Variants in KCNQ1 observed in about 807,000 individuals in gnomAD.
KCNQ1 encodes potassium voltage-gated channel subfamily KQT member 1.
A neutral mutation model predicts 72.4 loss-of-function variants in KCNQ1; 49 were observed. That is an observed-to-expected ratio of 0.68 (90% CI 0.54 to 0.86). The LOEUF (loss-of-function observed/expected upper bound fraction) is 0.86, where lower values mean the gene tolerates loss of function less well. Among genes scored for constraint, KCNQ1 ranks in the 40% least tolerant of loss-of-function variants. The pLI is 0.00. For synonymous variants in KCNQ1, 450 were observed against 412.6 expected (o/e 1.09, Z -1.10); for missense variants, 790 against 945.1 (o/e 0.84, Z 2.15).
rs1180003477 is a variant in KCNQ1, at chr11:2,536,737, C to T, written c.477+8719C>T. Among the ~76,000 whole-genome samples the T allele has an allele frequency of 3.9e-5, 6 of 152,074 alleles. No individual in the cohort carries two copies. The highest frequency in any genetic ancestry group is 8.8e-5 in the Non-Finnish European group (6 of 68,014). On this transcript the variant is annotated intron_variant, in intron 2 of 15. Transcript: ENST00000155840. The surrounding 1 kb of genome is among the most constrained non-coding windows in gnomAD (Gnocchi z 7.4). ...GGCCTATCTCCAGCCACGTGGGTCG[C>T]GAGAGTCGACCTGGGCTGCGTGATG... is the stretch of plus-strand genomic sequence containing the variant.
intron 1 of KCNQ1, among the ~76,000 whole-genome samples, chr11:2,472,983 G>C (rs1322790565): frequency 6.6e-6 from 1 of 151,926 alleles, no homozygotes; most frequent in African/African-American, 2.4e-5. Context: ...TGGGGTGGGC[G>C]TGGCTGGGAG....
intron 10 of KCNQ1, chr11:2,656,624 C>A: frequency 2.5e-6 from 1 of 398,544 alleles, no homozygotes; most frequent in South Asian, 1.3e-4. Flanking sequence ...TCTATTAAGT[C>A]ATTTATATTT....
At chr11:2,749,475 C>T (rs1053251553) in intron 11 of KCNQ1, among the ~76,000 whole-genome samples, 5 of 152,020 alleles carry the variant, frequency 3.3e-5, no homozygotes, top group Admixed American at 3.3e-4. Flanking sequence ...TTCCCTTATT[C>T]GTACAACGGG....
intron 1 of KCNQ1, among the ~76,000 whole-genome samples, chr11:2,514,348 G>T (rs1277990804): frequency 4.6e-5 from 7 of 152,198 alleles, no homozygotes; most frequent in Non-Finnish European, 8.8e-5. Context: ...AGGTGTGGCT[G>T]GGGCTGATCT....
At chr11:2,467,960 G>A (rs960674001) in intron 1 of KCNQ1, among the ~76,000 whole-genome samples, 1 of 152,202 alleles carries the variant, frequency 6.6e-6, no homozygotes, top group Non-Finnish European at 1.5e-5. Context: ...GCCCAGCGTG[G>A]GGACCTGCCC....
At chr11:2,589,538 G>A (rs1304529670) in intron 10 of KCNQ1, among the ~76,000 whole-genome samples, 2 of 152,078 alleles carry the variant, frequency 1.3e-5, no homozygotes, top group Non-Finnish European at 1.5e-5. Context: ...TGTGGAGAGC[G>A]AGGCCCTAGA....
rs774155339 is a variant in KCNQ1 at position 2,690,313 on chromosome 11, G to C, written c.1514+28232G>C. On this transcript the variant is annotated intron_variant, in intron 11 of 15. Transcript: ENST00000155840. The surrounding 1 kb of genome is among the most constrained non-coding windows in gnomAD (Gnocchi z 5.1). ...CTTCCTCCCTGTAGGATTGTCACAA[G>C]GATTAAATGATGTCAAGTCTGAGGC... 4.8e-5 allele frequency: 19 copies of C among 398,572 alleles called. No individual in the cohort carries two copies. Among genetic ancestry groups the C allele is most frequent in the Non-Finnish European group, 8.0e-5 (18 of 226,102 alleles). 24.7% of individuals were successfully genotyped at this position (398,572 alleles called of 1,614,324 possible).
At chr11:2,504,134 A>G (rs1056291350) in intron 1 of KCNQ1, among the ~76,000 whole-genome samples, 5 of 152,244 alleles carry the variant, frequency 3.3e-5, no homozygotes, top group African/African-American at 9.6e-5. Context: ...ACGCAACGGT[A>G]TACTAGTTAG....
At chr11:2,638,908 C>A (rs140472405) in intron 10 of KCNQ1, 1 of 151,928 alleles carries the variant, frequency 6.6e-6, no homozygotes, top group Non-Finnish European at 1.5e-5. Context: ...AGGCTTTGTT[C>A]GTTTGTTTTT....
intron 15 of KCNQ1, among the ~76,000 whole-genome samples, chr11:2,829,270 C>T (rs1300757615): frequency 1.3e-5 from 2 of 151,906 alleles, no homozygotes; most frequent in Non-Finnish European, 2.9e-5. Flanking sequence ...AGCATGCCTA[C>T]AGTGCAAACA....
intron 10 of KCNQ1, chr11:2,638,088 G>C (rs1849507187): frequency 6.6e-6 from 1 of 152,030 alleles, no homozygotes. Context: ...ACGTGAGATG[G>C]GTCTCCTGAA....
At chr11:2,496,928 T>G (rs1157217672) in intron 1 of KCNQ1, among the ~76,000 whole-genome samples, 2 of 152,122 alleles carry the variant, frequency 1.3e-5, no homozygotes, top group African/African-American at 4.8e-5. Context: ...CTCATGAAGC[T>G]TAGTTTGGCT....
rs1037646400 is a variant in KCNQ1, at chr11:2,477,003, A to C, written c.386+31519A>C. On this transcript the variant is annotated intron_variant, in intron 1 of 15. Coordinates refer to ENST00000155840, the MANE Select transcript of KCNQ1 (RefSeq NM_000218.3). This position sits in a 1 kb window ranked among gnomAD's most constrained non-coding sequence, Gnocchi z 5.0. ...TGCACCCAGCCCAGTTTTTAATGTG[A>C]CAGTACTTTGTAAAATTGTACTCCA... Among the ~76,000 whole-genome samples the C allele has an allele frequency of 6.6e-6, 1 of 152,254 alleles. No individual in the cohort carries two copies. Among genetic ancestry groups the C allele is most frequent in the South Asian group, 2.1e-4 (1 of 4,838 alleles).
Position 2,817,868 on chromosome 11 carries a change from C to T in KCNQ1, c.1795-29899C>T, listed in dbSNP as rs1038608742. Among the ~76,000 whole-genome samples the T allele has an allele frequency of 6.6e-6, 1 of 152,144 alleles. No homozygotes were observed. Among genetic ancestry groups the T allele is most frequent in the Admixed American group, 6.5e-5 (1 of 15,282 alleles). On this transcript the variant is annotated intron_variant, in intron 15 of 15. Transcript: ENST00000155840. This position sits in a 1 kb window ranked among gnomAD's most constrained non-coding sequence, Gnocchi z 6.1. ...ATGTTAGAAACCTCTGGCACTCTCC[C>T]CTCCCCAGCCAGCACCTACCAGCTT... is the stretch of plus-strand genomic sequence containing the variant.
chr11:2,699,503 GA>G lies in KCNQ1; in HGVS notation c.1514+37423del, dbSNP rs1850738889. 3.3e-5 allele frequency: 6 copies of G among 181,042 alleles called. No individual in the cohort carries two copies. In the East Asian group the frequency reaches 5.3e-3, roughly 159 times the overall value. The allele number at this position is 181,042 out of a possible 1,614,324, so 11.2% of individuals were successfully genotyped here. On this transcript the variant is annotated intron_variant, in intron 11 of 15. Coordinates refer to ENST00000155840, the MANE Select transcript of KCNQ1 (RefSeq NM_000218.3). Reference sequence around the variant, plus strand: ...GAGCCCCCGGGGAGAGTGCCGCGCTGAGGAGCCCCCAGGAGAGTGCCGCGCT... The same window carrying G: ...GAGCCCCCGGGGAGAGTGCCGCGCTGGGAGCCCCCAGGAGAGTGCCGCGCT...
In KCNQ1 at chr11:2,478,987, T is replaced by G. The variant is rs1333108346; in HGVS notation, c.386+33503T>G. On this transcript the variant is annotated intron_variant, in intron 1 of 15. Transcript: ENST00000155840. The surrounding 1 kb of genome is among the most constrained non-coding windows in gnomAD (Gnocchi z 4.0). ...CTAAAGGCCCCATGCAAGTTCGAAA[T>G]CCAGTGGGGCAGTTAAATCTTAATG... Among the ~76,000 whole-genome samples, 3 of 152,192 alleles carry G rather than the reference T, an allele frequency of 2.0e-5. No homozygotes were observed. Among genetic ancestry groups the G allele is most frequent in the African/African-American group, 7.2e-5 (3 of 41,442 alleles).
intron 15 of KCNQ1, among the ~76,000 whole-genome samples, chr11:2,800,707 T>A (rs1847244951): frequency 6.6e-6 from 1 of 152,152 alleles, no homozygotes; most frequent in South Asian, 2.1e-4. Flanking sequence ...ACACATAGCC[T>A]CTCTGTGACT....
At position 2,848,753 on chromosome 11, in the gene KCNQ1, C is replaced by G. The variant is rs555497849; in HGVS notation, c.*750C>G. On this transcript the variant is annotated 3_prime_UTR_variant, in exon 16 of 16. Coordinates refer to ENST00000155840, the MANE Select transcript of KCNQ1 (RefSeq NM_000218.3). The stretch of plus-strand genomic sequence containing the variant: ...CTGTGCGTGGGGCTCCCGCCTCCAA[C>G]CCCTCGCCCAGTCCCAGCAGCCAGC... 1 of 454,100 alleles carries G rather than the reference C, an allele frequency of 2.2e-6. No individual in the cohort carries two copies. Among genetic ancestry groups the G allele is most frequent in the Non-Finnish European group, 4.4e-6 (1 of 226,760 alleles). The allele number at this position is 454,100 out of a possible 1,614,324, so 28.1% of individuals were successfully genotyped here. A position where few individuals can be genotyped will look rare whatever the true frequency, so the allele number is the denominator to read the frequency against.
rs539379020 is a variant in KCNQ1, at chr11:2,693,778, G to A, written c.1514+31697G>A. 43 of 398,752 alleles carry A rather than the reference G, an allele frequency of 1.1e-4. No individual in the cohort carries two copies. The South Asian group carries it at 1.1e-3, about 11-fold the overall frequency. 24.7% of individuals were successfully genotyped at this position (398,752 alleles called of 1,614,324 possible). On this transcript the variant is annotated intron_variant, in intron 11 of 15. Coordinates refer to ENST00000155840, the MANE Select transcript of KCNQ1 (RefSeq NM_000218.3). ...CCAGTAACCTGGACATGCTGGGGCC[G>A]GCCAGTTCAGAGGAGCATGGCACAG...
Sources: gnomAD v4.1 joint callset for allele counts (sites outside exome capture counted in the v4.1 genomes callset) on GRCh38, gnomAD v4.1.1 for gene constraint, Gnocchi (gnomAD v3.1) non-coding constraint, MANE v1.5 for transcripts, NCBI Gene and HGNC (gene_info 2026-07-23, HGNC 2026-07-21) for gene names.